The following RGPD6 variants were observed in gnomAD, a reference collection of about 807,000 sequenced individuals.
The protein encoded by RGPD6 is RANBP2-like and GRIP domain-containing protein 5/6.
At chr2:110,601,854 C>A in the RGPD6 span, among the ~76,000 whole-genome samples, 1 of 119,786 alleles carries the variant, frequency 8.3e-6, no homozygotes, top group African/African-American at 3.5e-5. Context: ...CCCTACTATT[C>A]GTGAAAATTC....
chr2:110,594,097 ATCAG>A, the RGPD6 span, among the ~76,000 whole-genome samples: 2 of 144,954 alleles, frequency 1.4e-5, no homozygotes, highest in Non-Finnish European at 3.0e-5. Context: ...ACATATAAAA[ATCAG>A]TCAATGTATT....
the RGPD6 span, among the ~76,000 whole-genome samples, chr2:110,604,649 T>C: frequency 6.6e-6 from 1 of 151,540 alleles, no homozygotes; most frequent in Non-Finnish European, 1.5e-5. Flanking sequence ...GGCCTCGATT[T>C]TGCCACCAAG....
At chr2:110,600,888 C>A in the RGPD6 span, among the ~76,000 whole-genome samples, 1 of 133,040 alleles carries the variant, frequency 7.5e-6, no homozygotes, top group Non-Finnish European at 1.6e-5. Flanking sequence ...CAGGTCCTAA[C>A]AGGCCCCGGA....
chr2:110,589,580 G>A, the RGPD6 span, among the ~76,000 whole-genome samples: 2 of 149,900 alleles, frequency 1.3e-5, no homozygotes, highest in Admixed American at 6.6e-5. Flanking sequence ...ATGAGGAAAT[G>A]ACAGACAAGA....
At chr2:110,600,034 T>G in the RGPD6 span, among the ~76,000 whole-genome samples, 1 of 152,096 alleles carries the variant, frequency 6.6e-6, no homozygotes, top group African/African-American at 2.4e-5. Context: ...GACATGCTTC[T>G]GCGAAAAACT....
At chr2:110,594,202 A>C in the RGPD6 span, among the ~76,000 whole-genome samples, 13,445 of 126,046 alleles carry the variant, frequency 0.11, 173 homozygotes, top group South Asian at 0.21. Flanking sequence ...TGTAGAAAAG[A>C]CTTTGACAAA....
the RGPD6 span, among the ~76,000 whole-genome samples, chr2:110,597,012 G>T: frequency 1.3e-4 from 13 of 103,354 alleles, no homozygotes; most frequent in East Asian, 5.5e-4. Context: ...GGAGTCTCGC[G>T]GTGACACCCA....
chr2:110,605,709 G>A, the RGPD6 span, among the ~76,000 whole-genome samples: 1 of 151,308 alleles, frequency 6.6e-6, no homozygotes, highest in Non-Finnish European at 1.5e-5. Flanking sequence ...GGGCACTACT[G>A]GGCAGCATCC....
At position 110,576,906 on chromosome 2, in the gene RGPD6, C is replaced by T. The variant is rs750999511; in HGVS notation, c.72+47G>A. On this transcript the variant is annotated intron_variant, in intron 1 of 22. Coordinates refer to ENST00000329516, the MANE Select transcript of RGPD6 (RefSeq NM_001123363.4). ...CGCCGCCGCCGCCCCCCCCCTCCCC[C>T]CCCGGCCGGGTCGAGGCCGCCGTCG... The T allele has an allele frequency of 3.7e-6, 4 of 1,094,184 alleles. 1 individual carries two copies. The highest frequency in any genetic ancestry group is 4.6e-6 in the Non-Finnish European group (4 of 878,184). The allele number at this position is 1,094,184 out of a possible 1,614,324, so 67.8% of individuals were successfully genotyped here.
the RGPD6 span, among the ~76,000 whole-genome samples, chr2:110,601,135 C>A: frequency 6.7e-6 from 1 of 148,166 alleles, no homozygotes; most frequent in Non-Finnish European, 1.5e-5. Flanking sequence ...AGATAAAGTC[C>A]TCGGCCTCCA....
chr2:110,593,241 T>C, the RGPD6 span, among the ~76,000 whole-genome samples: 1 of 148,258 alleles, frequency 6.7e-6, no homozygotes. Context: ...TACCCCACAG[T>C]GGAGCTGAAG....
At chr2:110,608,443 CA>C in the RGPD6 span, among the ~76,000 whole-genome samples, 1 of 151,026 alleles carries the variant, frequency 6.6e-6, no homozygotes, top group Non-Finnish European at 1.5e-5. Flanking sequence ...AGAAAGTTCT[CA>C]AATATTAGTT....
the RGPD6 span, among the ~76,000 whole-genome samples, chr2:110,604,495 C>A: frequency 7.0e-6 from 1 of 141,860 alleles, no homozygotes; most frequent in East Asian, 2.1e-4. Context: ...AAGGTTGGGG[C>A]CAGCTGAATT....
At chr2:110,601,011 C>T in the RGPD6 span, among the ~76,000 whole-genome samples, 2 of 152,112 alleles carry the variant, frequency 1.3e-5, no homozygotes, top group Non-Finnish European at 2.9e-5. Flanking sequence ...ATCTTTAGCA[C>T]ACTGAGAAGG....
chr2:110,605,348 A>C, the RGPD6 span, among the ~76,000 whole-genome samples: 1 of 151,210 alleles, frequency 6.6e-6, no homozygotes, highest in Non-Finnish European at 1.5e-5. Context: ...AGAGCCACGC[A>C]GTCAACTACA....
chr2:110,599,999 G>A, the RGPD6 span, among the ~76,000 whole-genome samples: 10 of 151,836 alleles, frequency 6.6e-5, no homozygotes, highest in South Asian at 2.1e-4. Context: ...GGTGTTACCC[G>A]CTGAGCTGTC....
At chr2:110,606,849 C>T in the RGPD6 span, among the ~76,000 whole-genome samples, 1 of 151,642 alleles carries the variant, frequency 6.6e-6, no homozygotes, top group East Asian at 1.9e-4. Flanking sequence ...CCATCCTCCA[C>T]CCAAGTCCCA....
the RGPD6 span, chr2:110,610,830 G>C: frequency 5.0e-6 from 5 of 1,001,242 alleles, no homozygotes; most frequent in African/African-American, 4.0e-5. Flanking sequence ...GCCGAAGCTC[G>C]GGCCGCCCGC....
chr2:110,591,506 CT>C, the RGPD6 span, among the ~76,000 whole-genome samples: 2 of 149,376 alleles, frequency 1.3e-5, no homozygotes, highest in South Asian at 2.1e-4. Flanking sequence ...ACTCACAGCT[CT>C]TTTTCAAAGC....
Sources: allele counts gnomAD v4.1 joint callset (sites outside exome capture counted in the v4.1 genomes callset), GRCh38; gene constraint gnomAD v4.1.1; transcripts MANE v1.5; gene names NCBI Gene and HGNC (gene_info 2026-07-23, HGNC 2026-07-21).